Variants in ARHGEF4 observed in about 807,000 individuals in gnomAD.
ARHGEF4 encodes APC-stimulated guanine nucleotide exchange factor 1.
Under a neutral mutation model 162.0 loss-of-function variants are expected in ARHGEF4, and 119 were observed. The ratio of observed to expected loss-of-function variants is 0.73; its 90% CI spans 0.63 to 0.86. ARHGEF4 has a LOEUF of 0.86. ARHGEF4 is among the 40% of genes least tolerant of loss of function. ARHGEF4 has a pLI of 0.00. For synonymous variants in ARHGEF4, 1,014 were observed against 979.9 expected, an observed-to-expected ratio of 1.03 and a Z score of -0.65; for missense variants, 2,488 against 2,456.0, an observed-to-expected ratio of 1.01 and a Z score of -0.28.
chr2:131,007,871 G>A (rs1452635447), intron 4 of ARHGEF4, among the ~76,000 whole-genome samples: 1 of 134,904 alleles, frequency 7.4e-6, no homozygotes, highest in Non-Finnish European at 1.5e-5. Context: ...GAGTGCAATG[G>A]CACGATCTCA....
At chr2:131,041,546 C>T (rs1573706307) in intron 9 of ARHGEF4, 84 bp downstream of exon 9, 2 of 1,396,162 alleles carry the variant, frequency 1.4e-6, no homozygotes, top group East Asian at 4.8e-5. Context: ...GTGTGCTGGG[C>T]ACTGCTGCAG....
chr2:131,001,644 T>A (rs1367222129), intron 4 of ARHGEF4, among the ~76,000 whole-genome samples: 1 of 152,146 alleles, frequency 6.6e-6, no homozygotes, highest in Non-Finnish European at 1.5e-5. Flanking sequence ...CATGATTCTC[T>A]ATGTATCCTA....
At chr2:131,021,807 A>T (rs1689154435) in intron 4 of ARHGEF4, among the ~76,000 whole-genome samples, 1 of 152,228 alleles carries the variant, frequency 6.6e-6, no homozygotes, top group South Asian at 2.1e-4. Flanking sequence ...TGAGATTTTC[A>T]TATGTGGCCT....
chr2:130,856,889 C>T (rs1174228364), intron 1 of ARHGEF4, among the ~76,000 whole-genome samples: 1 of 152,088 alleles, frequency 6.6e-6, no homozygotes, highest in Non-Finnish European at 1.5e-5. Flanking sequence ...CAGGTGGCAA[C>T]CCAAATCCAT....
intron 4 of ARHGEF4, among the ~76,000 whole-genome samples, chr2:131,009,140 T>C (rs1320233149): frequency 6.6e-6 from 1 of 152,264 alleles, no homozygotes; most frequent in Non-Finnish European, 1.5e-5. Context: ...ACAGCAGACA[T>C]TGTGGTGGTG....
intron 1 of ARHGEF4, among the ~76,000 whole-genome samples, chr2:130,839,836 C>T (rs1191506787): frequency 1.3e-5 from 2 of 152,224 alleles, no homozygotes; most frequent in Non-Finnish European, 2.9e-5. Flanking sequence ...TGGCAGGTCC[C>T]TGTATTTTCA....
chr2:131,004,600 C>T (rs796385906), intron 4 of ARHGEF4, among the ~76,000 whole-genome samples: 2 of 152,252 alleles, frequency 1.3e-5, no homozygotes, highest in African/African-American at 2.4e-5. Context: ...CCTTGTCACA[C>T]AGCCCGGCCT....
chr2:130,897,694 C>T (rs1177276698), intron 1 of ARHGEF4, among the ~76,000 whole-genome samples: 1 of 152,174 alleles, frequency 6.6e-6, no homozygotes, highest in African/African-American at 2.4e-5. Flanking sequence ...ACATAAAATA[C>T]CGTGTGCTCT....
chr2:130,978,643 A>G (rs1263647954), intron 4 of ARHGEF4, among the ~76,000 whole-genome samples: 1 of 152,214 alleles, frequency 6.6e-6, no homozygotes, highest in Non-Finnish European at 1.5e-5. Flanking sequence ...AATATTCACG[A>G]ATAGTTTACA....
rs901380189 is a variant in ARHGEF4, at chr2:130,914,327, A to T, written c.381A>T (p.Ala127=). ...QHLTSVPGLH[A]KEELDLSPSL... is the part of the protein sequence containing the mutation. ...TGACCAGTGTTCCTGGGCTTCATGCAAAGGAAGAACTCGATTTGTCCCCTA... is the reference window on the plus strand; with the variant it reads ...TGACCAGTGTTCCTGGGCTTCATGCTAAGGAAGAACTCGATTTGTCCCCTA... The change falls in exon 2 of 14, where the codon GCA becomes GCT. Residue 127 remains alanine, a synonymous_variant. Transcript: ENST00000409359. 4.9e-5 allele frequency: 73 copies of T among 1,477,316 alleles called. No individual in the cohort carries two copies. The highest frequency in any genetic ancestry group is 6.3e-5 in the Non-Finnish European group (71 of 1,118,210). 91.5% of individuals were successfully genotyped at this position (1,477,316 alleles called of 1,614,324 possible).
chr2:131,043,240 G>C (rs1328754976), intron 10 of ARHGEF4, among the ~76,000 whole-genome samples: 1 of 152,138 alleles, frequency 6.6e-6, no homozygotes, highest in East Asian at 1.9e-4. Flanking sequence ...AGCCACCAGA[G>C]GCCACTGGTG....
rs1225002301 is a variant in ARHGEF4, at chr2:131,034,166, C to T, written c.4126-4687C>T. 3.9e-5 allele frequency among the ~76,000 whole-genome samples: 6 copies of T among 152,302 alleles called. No individual in the cohort carries two copies. The Middle Eastern group carries it at 0.014, about 345-fold the overall frequency. On this transcript the variant is annotated intron_variant, in intron 5 of 13. Coordinates refer to ENST00000409359, the MANE Select transcript of ARHGEF4 (RefSeq NM_001367493.1). ...AGTCTGCACACATTCCCTCTGTGCGCCCCTCCCTGCCCTCCAGGAACTCTT... is the reference window on the plus strand; with the variant it reads ...AGTCTGCACACATTCCCTCTGTGCGTCCCTCCCTGCCCTCCAGGAACTCTT...
intron 1 of ARHGEF4, among the ~76,000 whole-genome samples, chr2:130,882,641 C>G (rs1312446259): frequency 6.6e-6 from 1 of 151,992 alleles, no homozygotes; most frequent in African/African-American, 2.4e-5. Flanking sequence ...AGCCTGAAGT[C>G]CAAACCCTGT....
rs140396073 is a variant in ARHGEF4 at position 131,041,289 on chromosome 2, G to A, written c.4722G>A (p.Glu1574=). ...ATAACCACCCCAACGCCTGCGTGGA[G>A]CTCTCCCGGCTCACCAAGCTCAGCA... ...YCNNHPNACV[E]LSRLTKLSKY... The change falls in exon 9 of 14, where the codon GAG becomes GAA. Residue 1574 remains glutamate, a synonymous_variant. Transcript: ENST00000409359. 5 of 1,613,822 alleles carry A rather than the reference G, an allele frequency of 3.1e-6. No homozygotes were observed. The highest frequency in any genetic ancestry group is 4.2e-6 in the Non-Finnish European group (5 of 1,180,042).
chr2:130,917,099 C>G lies in ARHGEF4; in HGVS notation c.3153C>G (p.Ser1051=). 7 of 1,550,504 alleles carry G rather than the reference C, an allele frequency of 4.5e-6. No individual in the cohort carries two copies. Among genetic ancestry groups the G allele is most frequent in the Non-Finnish European group, 6.1e-6 (7 of 1,146,984 alleles). ...YLPSGIFPEK[S]WLASPGSPRA... Reference sequence around the variant, plus strand: ...CTTCAGGTATCTTTCCGGAAAAGTCCTGGCTGGCGTCCCCCGGCAGCCCTC... The same window carrying G: ...CTTCAGGTATCTTTCCGGAAAAGTCGTGGCTGGCGTCCCCCGGCAGCCCTC... Residue 1051 remains serine, a synonymous_variant, in exon 2 of 14, where the codon TCC becomes TCG. Transcript: ENST00000409359.
At chr2:130,856,316 G>A (rs58126172) in intron 1 of ARHGEF4, among the ~76,000 whole-genome samples, 12,427 of 152,174 alleles carry the variant, frequency 0.082, 971 homozygotes, top group African/African-American at 0.2. Flanking sequence ...GAACAGATGT[G>A]AAAAAGAATG....
intron 5 of ARHGEF4, among the ~76,000 whole-genome samples, chr2:131,028,742 T>A (rs76009881): frequency 6.6e-6 from 1 of 152,034 alleles, no homozygotes; most frequent in African/African-American, 2.4e-5. Flanking sequence ...AACTGGAGGG[T>A]GTTGTTGAAC....
At chr2:130,847,342 G>C (rs1408630511) in intron 1 of ARHGEF4, among the ~76,000 whole-genome samples, 1 of 152,248 alleles carries the variant, frequency 6.6e-6, no homozygotes, top group Admixed American at 6.5e-5. Flanking sequence ...TGCAGAGGAG[G>C]CCGGGGGAAA....
intron 13 of ARHGEF4, 158 bp downstream of exon 13, chr2:131,045,604 G>A (rs1691188731): frequency 1.3e-6 from 2 of 1,577,896 alleles, no homozygotes; most frequent in Non-Finnish European, 8.6e-7. Flanking sequence ...GGTAATAAGG[G>A]GCCACTGGGG....
Sources: gnomAD v4.1 joint callset for allele counts (sites outside exome capture counted in the v4.1 genomes callset) on GRCh38, gnomAD v4.1.1 for gene constraint, MANE v1.5 for transcripts, NCBI Gene and HGNC (gene_info 2026-07-23, HGNC 2026-07-21) for gene names.